NEMP2: variants seen among roughly 807,000 people sequenced by gnomAD.
NEMP2 encodes the protein UPF0571 transmembrane protein.
In NEMP2, 53 loss-of-function variants were observed where a neutral mutation model predicts 54.2. The ratio of observed to expected loss-of-function variants is 0.98; its 90% CI spans 0.78 to 1.23. NEMP2 has a LOEUF of 1.23. NEMP2 is among the 50% of genes most tolerant of loss of function. NEMP2 has a pLI of 0.00. For synonymous variants in NEMP2, 197 were observed against 190.3 expected (o/e 1.04, Z -0.29); for missense variants, 455 against 511.3 (o/e 0.89, Z 1.06).
At chr2:190,578,102 G>A in the NEMP2 span, among the ~76,000 whole-genome samples, 1 of 152,106 alleles carries the variant, frequency 6.6e-6, no homozygotes, top group Non-Finnish European at 1.5e-5. This position sits in a 1 kb window ranked among gnomAD's most constrained non-coding sequence, Gnocchi z 4.4. Context: ...ATCTTCTGTG[G>A]GGTCTCCTGG....
the NEMP2 span, among the ~76,000 whole-genome samples, chr2:190,642,202 G>A: frequency 6.6e-6 from 1 of 152,020 alleles, no homozygotes; most frequent in Non-Finnish European, 1.5e-5. This position sits in a 1 kb window ranked among gnomAD's most constrained non-coding sequence, Gnocchi z 4.1. Flanking sequence ...TAACCATCTC[G>A]GGTTTTTTTT....
chr2:190,565,180 C>T, the NEMP2 span, among the ~76,000 whole-genome samples: 2 of 151,952 alleles, frequency 1.3e-5, no homozygotes, highest in African/African-American at 4.8e-5. Flanking sequence ...AATCAAGAGA[C>T]ACCCAGTAGG....
At chr2:190,496,573 C>T in the NEMP2 span, among the ~76,000 whole-genome samples, 1 of 152,070 alleles carries the variant, frequency 6.6e-6, no homozygotes, top group Admixed American at 6.5e-5. The surrounding 1 kb of genome is among the most constrained non-coding windows in gnomAD (Gnocchi z 4.7). Flanking sequence ...GGAACCAGCC[C>T]AAATGCCCAT....
the NEMP2 span, among the ~76,000 whole-genome samples, chr2:190,634,334 A>T: frequency 6.6e-6 from 1 of 152,298 alleles, no homozygotes; most frequent in African/African-American, 2.4e-5. The surrounding 1 kb of genome is among the most constrained non-coding windows in gnomAD (Gnocchi z 6.8). Context: ...AATCTTTCTA[A>T]GCATTTATTT....
At chr2:190,538,359 AATCCATTC>A (rs1009861507), upstream of NEMP2, among the ~76,000 whole-genome samples, 3 of 152,058 alleles carry the variant, frequency 2.0e-5, no homozygotes, top group Non-Finnish European at 4.4e-5. The surrounding 1 kb of genome is among the most constrained non-coding windows in gnomAD (Gnocchi z 4.1). Flanking sequence ...CACATTTTTT[AATCCATTC>A]ATCTCATTGA....
At chr2:190,561,481 G>A in the NEMP2 span, among the ~76,000 whole-genome samples, 126 of 152,164 alleles carry the variant, frequency 8.3e-4, no homozygotes, top group African/African-American at 3.0e-3. This position sits in a 1 kb window ranked among gnomAD's most constrained non-coding sequence, Gnocchi z 5.4. Flanking sequence ...CTGTCTTCAC[G>A]TGGTCTTTTT....
chr2:190,558,939 CT>C, the NEMP2 span, among the ~76,000 whole-genome samples: 5 of 152,024 alleles, frequency 3.3e-5, no homozygotes, highest in African/African-American at 1.2e-4. The surrounding 1 kb of genome is among the most constrained non-coding windows in gnomAD (Gnocchi z 4.4). Flanking sequence ...TATGATGAAA[CT>C]TTTTTTACCC....
At chr2:190,562,173 G>A in the NEMP2 span, among the ~76,000 whole-genome samples, 1 of 152,196 alleles carries the variant, frequency 6.6e-6, no homozygotes, top group Non-Finnish European at 1.5e-5. The surrounding 1 kb of genome is among the most constrained non-coding windows in gnomAD (Gnocchi z 5.0). Context: ...AGTAAGCTCA[G>A]CATCTGAATT....
At chr2:190,580,985 T>A in the NEMP2 span, among the ~76,000 whole-genome samples, 1 of 152,226 alleles carries the variant, frequency 6.6e-6, no homozygotes, top group African/African-American at 2.4e-5. This position sits in a 1 kb window ranked among gnomAD's most constrained non-coding sequence, Gnocchi z 5.3. Flanking sequence ...TCCACCCTGT[T>A]TCTCTTCTCA....
chr2:190,640,894 T>C, the NEMP2 span: 2 of 146,136 alleles, frequency 1.4e-5, no homozygotes, highest in Admixed American at 1.4e-4. Flanking sequence ...AAGTATTTGG[T>C]GTGCTGGGGT....
At chr2:190,611,378 G>A in the NEMP2 span, among the ~76,000 whole-genome samples, 3 of 152,238 alleles carry the variant, frequency 2.0e-5, no homozygotes, top group African/African-American at 7.2e-5. This position sits in a 1 kb window ranked among gnomAD's most constrained non-coding sequence, Gnocchi z 5.4. Context: ...TGCTATTAAT[G>A]TTAAACCCAA....
the NEMP2 span, among the ~76,000 whole-genome samples, chr2:190,647,941 G>T: frequency 6.6e-6 from 1 of 151,948 alleles, no homozygotes; most frequent in South Asian, 2.1e-4. Flanking sequence ...GTCCAACTCC[G>T]GACCTCAGGT....
the NEMP2 span, among the ~76,000 whole-genome samples, chr2:190,645,551 A>G: frequency 6.6e-6 from 1 of 152,250 alleles, no homozygotes; most frequent in Non-Finnish European, 1.5e-5. Context: ...TAACATCTAC[A>G]AAATACAAAA....
chr2:190,475,084 T>C, the NEMP2 span, among the ~76,000 whole-genome samples: 3 of 152,162 alleles, frequency 2.0e-5, no homozygotes, highest in Non-Finnish European at 2.9e-5. Flanking sequence ...AAGAGCTATC[T>C]ATGACAAACC....
At chr2:190,482,740 T>G in the NEMP2 span, among the ~76,000 whole-genome samples, 1 of 152,216 alleles carries the variant, frequency 6.6e-6, no homozygotes, top group East Asian at 1.9e-4. Context: ...CTGAACAATT[T>G]TGAAATGCAT....
At chr2:190,471,530 G>C in the NEMP2 span, among the ~76,000 whole-genome samples, 1 of 152,348 alleles carries the variant, frequency 6.6e-6, no homozygotes, top group East Asian at 1.9e-4. The surrounding 1 kb of genome is among the most constrained non-coding windows in gnomAD (Gnocchi z 4.7). Context: ...CAAGGCGGCA[G>C]TGAGGCTGGG....
At chr2:190,460,187 CTG>C in the NEMP2 span, among the ~76,000 whole-genome samples, 1 of 152,316 alleles carries the variant, frequency 6.6e-6, no homozygotes, top group Non-Finnish European at 1.5e-5. Context: ...AATAAACAAA[CTG>C]TAATCAGCTA....
chr2:190,635,924 G>A, the NEMP2 span, among the ~76,000 whole-genome samples: 1 of 152,140 alleles, frequency 6.6e-6, no homozygotes, highest in South Asian at 2.1e-4. This position sits in a 1 kb window ranked among gnomAD's most constrained non-coding sequence, Gnocchi z 4.1. Context: ...TGGAGTGCAG[G>A]GGCATGATTA....
chr2:190,460,163 G>A, the NEMP2 span, among the ~76,000 whole-genome samples: 743 of 152,296 alleles, frequency 4.9e-3, 3 homozygotes, highest in African/African-American at 0.017. Context: ...TGCACAGTGC[G>A]TCAGGATGCT....
Sources: allele counts gnomAD v4.1 joint callset (sites outside exome capture counted in the v4.1 genomes callset), GRCh38; gene constraint gnomAD v4.1.1; non-coding constraint Gnocchi (gnomAD v3.1); transcripts MANE v1.5; gene names NCBI Gene and HGNC (gene_info 2026-07-23, HGNC 2026-07-21).